Variants in LRP1B observed in about 807,000 individuals in gnomAD.
LRP1B encodes LDL receptor related protein 1B.
Under a neutral mutation model 556.6 loss-of-function variants are expected in LRP1B, and 217 were observed. The observed-to-expected ratio is 0.39, with a 90% CI of 0.35 to 0.44. LRP1B has a LOEUF of 0.44. Ranked by LOEUF, LRP1B falls within the 20% of genes least tolerant of loss-of-function variation. The pLI is 1.00. For synonymous variants in LRP1B, 2,047 were observed against 1,865.8 expected, an observed-to-expected ratio of 1.10 and a Z score of -2.50; for missense variants, 5,053 against 5,620.8, an observed-to-expected ratio of 0.90 and a Z score of 3.23.
At chr2:140,805,612 T>C (rs1690686077) in intron 32 of LRP1B, among the ~76,000 whole-genome samples, 1 of 152,222 alleles carries the variant, frequency 6.6e-6, no homozygotes, top group Non-Finnish European at 1.5e-5. Flanking sequence ...TTTTTATTTG[T>C]AATTTTTATG....
chr2:141,064,304 C>G (rs1558835345), intron 7 of LRP1B, among the ~76,000 whole-genome samples: 1 of 151,824 alleles, frequency 6.6e-6, no homozygotes, highest in African/African-American at 2.4e-5. Context: ...ATTTTTGCCA[C>G]TTGTGTTTGG....
At chr2:140,594,187 C>G (rs951934873) in intron 43 of LRP1B, among the ~76,000 whole-genome samples, 4 of 152,106 alleles carry the variant, frequency 2.6e-5, no homozygotes, top group African/African-American at 9.7e-5. Flanking sequence ...TCAGGCTGGT[C>G]TCGAACTCCC....
chr2:141,909,845 A>C (rs1027117639), intron 1 of LRP1B, among the ~76,000 whole-genome samples: 6 of 152,048 alleles, frequency 3.9e-5, no homozygotes, highest in Non-Finnish European at 7.4e-5. Context: ...CACTGAAGTC[A>C]TTTATAACAA....
intron 72 of LRP1B, among the ~76,000 whole-genome samples, chr2:140,363,091 T>C (rs888647287): frequency 1.3e-5 from 2 of 151,726 alleles, no homozygotes; most frequent in Admixed American, 1.3e-4. Flanking sequence ...ATTGAATCTC[T>C]CTGTGCCTTT....
intron 3 of LRP1B, among the ~76,000 whole-genome samples, chr2:141,286,415 A>G (rs978029838): frequency 1.3e-5 from 2 of 152,142 alleles, no homozygotes; most frequent in African/African-American, 2.4e-5. Flanking sequence ...CATTGTTACT[A>G]TTATTAAAAT....
rs184394263 is a variant in LRP1B at position 140,284,425 on chromosome 2, T to A, written c.12968-9827A>T. ...GGATAGGAGGTAATCATGAAAAAGA[T>A]TTCTATCTCAGATGAGAGCATCATG... On this transcript the variant is annotated intron_variant, in intron 84 of 90. Coordinates refer to ENST00000389484, the MANE Select transcript of LRP1B (RefSeq NM_018557.3). 2.0e-5 allele frequency among the ~76,000 whole-genome samples: 3 copies of A among 150,040 alleles called. No individual in the cohort carries two copies. The Admixed American group carries it at 2.0e-4, about 10-fold the overall frequency.
In LRP1B at chr2:140,444,559, C is replaced by G. The variant is rs1224260558; in HGVS notation, c.10174+4G>C. ...GTTCATTAGTTAGGAATTTAATCACCTACCACAGTTGAGTTCATCAGAATT... is the reference window on the plus strand; with the variant it reads ...GTTCATTAGTTAGGAATTTAATCACGTACCACAGTTGAGTTCATCAGAATT... On this transcript the variant is annotated splice_donor_region_variant and intron_variant, in intron 64 of 90. Transcript: ENST00000389484. 3 of 1,612,674 alleles carry G rather than the reference C, an allele frequency of 1.9e-6. No homozygotes were observed. The highest frequency in any genetic ancestry group is 2.5e-6 in the Non-Finnish European group (3 of 1,178,944).
At chr2:141,310,869 C>A (rs1039817720) in intron 3 of LRP1B, among the ~76,000 whole-genome samples, 2 of 152,136 alleles carry the variant, frequency 1.3e-5, no homozygotes, top group Admixed American at 6.5e-5. Context: ...CTACTTCCAG[C>A]CTTTTCTCTA....
chr2:141,149,158 T>G (rs1701858828), intron 7 of LRP1B, among the ~76,000 whole-genome samples: 1 of 152,172 alleles, frequency 6.6e-6, no homozygotes, highest in Non-Finnish European at 1.5e-5. Context: ...TACAGCATTT[T>G]TTGTTGCTAG....
chr2:141,072,083 T>C (rs1283658513), intron 7 of LRP1B, among the ~76,000 whole-genome samples: 1 of 152,098 alleles, frequency 6.6e-6, no homozygotes, highest in Non-Finnish European at 1.5e-5. Context: ...TTTTGTCCAC[T>C]GATACAAACC....
rs1364010651 is a variant in LRP1B, at chr2:142,035,429, C to A, written c.82+95219G>T. On this transcript the variant is annotated intron_variant, in intron 1 of 90. Transcript: ENST00000389484. ...CCCTAATTATCCAGGGAAGTTAATT[C>A]CAGTATTCCAGGGTAGTGGAGCACA... Among the ~76,000 whole-genome samples, 5 of 151,520 alleles carry A rather than the reference C, an allele frequency of 3.3e-5. No homozygotes were observed. In the East Asian group the frequency reaches 5.8e-4, roughly 18 times the overall value.
At chr2:141,326,833 G>A (rs1687447469) in intron 3 of LRP1B, among the ~76,000 whole-genome samples, 1 of 152,134 alleles carries the variant, frequency 6.6e-6, no homozygotes, top group Non-Finnish European at 1.5e-5. Flanking sequence ...GGAAAGCCCT[G>A]ATAAATCATT....
chr2:141,038,447 A>G (rs77443394), intron 11 of LRP1B, among the ~76,000 whole-genome samples: 5,145 of 152,190 alleles, frequency 0.034, 109 homozygotes, highest in Non-Finnish European at 0.041. Flanking sequence ...GGAGTAAGAA[A>G]GATTACTGAG....
intron 35 of LRP1B, among the ~76,000 whole-genome samples, chr2:140,738,993 G>A (rs557558512): frequency 6.6e-6 from 1 of 152,266 alleles, no homozygotes; most frequent in East Asian, 1.9e-4. Context: ...TCACATCAGT[G>A]AGGTGTAGCT....
At position 141,337,140 on chromosome 2, in the gene LRP1B, C is replaced by T. The variant is rs187925933; in HGVS notation, c.344-82499G>A. On this transcript the variant is annotated intron_variant, in intron 3 of 90. Transcript: ENST00000389484. ...CAAACTGTTTTCCAGAGTGGCTGTA[C>T]CATTTCCCATTCCTACCAACAAAAG... is the stretch of plus-strand genomic sequence containing the variant. Among the ~76,000 whole-genome samples, 613 of 152,258 alleles carry T rather than the reference C, an allele frequency of 4.0e-3. 7 individuals are homozygous for T. Among genetic ancestry groups the T allele is most frequent in the African/African-American group, 0.014 (592 of 41,556 alleles).
intron 1 of LRP1B, among the ~76,000 whole-genome samples, chr2:142,050,712 T>G (rs778967960): frequency 6.6e-6 from 1 of 152,086 alleles, no homozygotes; most frequent in Non-Finnish European, 1.5e-5. Flanking sequence ...GAAGTAAAAC[T>G]CCCACCTATG....
In LRP1B at chr2:140,702,266, A is replaced by G. The variant is rs770087557; in HGVS notation, c.6177T>C (p.Ala2059=). Residue 2059 remains alanine (A), a synonymous_variant, in exon 39 of 91, where the codon GCT becomes GCC. Coordinates refer to ENST00000389484, the MANE Select transcript of LRP1B (RefSeq NM_018557.3). ...CGATTCTCTCTATCTTGTCTGTGCGAGCATCACACCAGTACAATTTATTTT... is the reference window on the plus strand; with the variant it reads ...CGATTCTCTCTATCTTGTCTGTGCGGGCATCACACCAGTACAATTTATTTT... ...YEENKLYWCD[A]RTDKIERIDL... is the part of the protein sequence containing the mutation. The G allele has an allele frequency of 6.2e-7, 1 of 1,613,724 alleles. No individual in the cohort carries two copies. The highest frequency in any genetic ancestry group is 1.3e-5 in the African/African-American group (1 of 75,018).
chr2:140,509,897 T>C (rs762817310), intron 52 of LRP1B, 31 bp downstream of exon 52: 2 of 1,592,504 alleles, frequency 1.3e-6, no homozygotes, highest in South Asian at 2.3e-5. Flanking sequence ...AACAGTTTTC[T>C]TTGACATGCA....
At chr2:140,380,598 C>T (rs757263537) in intron 67 of LRP1B, among the ~76,000 whole-genome samples, 16 of 152,052 alleles carry the variant, frequency 1.1e-4, no homozygotes, top group Non-Finnish European at 2.2e-4. Flanking sequence ...TAAAACATGT[C>T]GTGCTTACAT....
Sources: allele counts gnomAD v4.1 joint callset (sites outside exome capture counted in the v4.1 genomes callset), GRCh38; gene constraint gnomAD v4.1.1; transcripts MANE v1.5; gene names NCBI Gene and HGNC (gene_info 2026-07-23, HGNC 2026-07-21).